The following DIAPH2 variants were observed in gnomAD, a reference collection of about 807,000 sequenced individuals.
DIAPH2 encodes the protein diaphanous related formin 2.
DIAPH2 carries 35 observed loss-of-function variants against 92.7 expected under a neutral mutation model. The ratio of observed to expected loss-of-function variants is 0.38; its 90% CI spans 0.29 to 0.50. The LOEUF (loss-of-function observed/expected upper bound fraction) is 0.50, where lower values mean the gene tolerates loss of function less well. Among genes scored for constraint, DIAPH2 ranks in the 20% least tolerant of loss-of-function variants. The probability of loss-of-function intolerance (pLI) is 0.94; values close to 1 mark genes in which losing one functional copy is unlikely to be tolerated. For missense variants in DIAPH2, 701 were observed against 819.5 expected, an observed-to-expected ratio of 0.86 and a Z score of 1.77; for synonymous variants, 301 against 280.4, an observed-to-expected ratio of 1.07 and a Z score of -0.73.
chrX:97,546,792 C>T (rs999532963), intron 26 of DIAPH2, among the ~76,000 whole-genome samples: 1 of 110,149 alleles, frequency 9.1e-6, no homozygotes, highest in Non-Finnish European at 1.9e-5. Flanking sequence ...GCCAAGATCG[C>T]GCCATTGCCC....
chrX:97,488,863 T>C (rs1390201020), intron 26 of DIAPH2, among the ~76,000 whole-genome samples: 1 of 112,017 alleles, frequency 8.9e-6, no homozygotes. Flanking sequence ...TTGTAATATA[T>C]TTTAAAATAA....
chrX:96,947,405 G>A (rs2065744898), intron 14 of DIAPH2, among the ~76,000 whole-genome samples: 1 of 110,995 alleles, frequency 9.0e-6, no homozygotes, highest in Non-Finnish European at 1.9e-5. Context: ...TCACATTGGA[G>A]GATATCCATC....
intron 4 of DIAPH2, among the ~76,000 whole-genome samples, chrX:96,827,921 A>G (rs1239829138): frequency 1.8e-5 from 2 of 110,799 alleles, no homozygotes; most frequent in Non-Finnish European, 3.8e-5. Context: ...GGTGCCCACT[A>G]CCTCGCCCGG....
intron 25 of DIAPH2, among the ~76,000 whole-genome samples, chrX:97,426,119 G>A (rs2070061224): frequency 9.1e-6 from 1 of 109,677 alleles, no homozygotes; most frequent in Admixed American, 9.8e-5. Flanking sequence ...TTTATCCCTG[G>A]TCATCTAAAC....
At chrX:97,074,021 G>T (rs2066687297) in intron 18 of DIAPH2, among the ~76,000 whole-genome samples, 1 of 112,008 alleles carries the variant, frequency 8.9e-6, no homozygotes, top group East Asian at 2.8e-4. Flanking sequence ...GTAATCATTT[G>T]TCTATAGAGT....
At chrX:97,435,908 T>C (rs1009551554) in intron 26 of DIAPH2, among the ~76,000 whole-genome samples, 10 of 107,793 alleles carry the variant, frequency 9.3e-5, no homozygotes, top group East Asian at 8.8e-4. Context: ...CTCGGGTTCA[T>C]GCCATTCTCT....
chrX:97,300,017 T>C (rs2147624380), intron 23 of DIAPH2, among the ~76,000 whole-genome samples: 1 of 112,200 alleles, frequency 8.9e-6, no homozygotes, highest in African/African-American at 3.2e-5. Flanking sequence ...TGCTTGGTAA[T>C]ATAACAAGAA....
intron 19 of DIAPH2, among the ~76,000 whole-genome samples, chrX:97,099,289 C>G (rs493607): frequency 0.03 from 3,318 of 109,873 alleles, 134 homozygotes; most frequent in African/African-American, 0.1. Flanking sequence ...TGGCATGAAC[C>G]TGGGAGGCGG....
At chrX:97,343,105 G>A (rs1302429284) in intron 23 of DIAPH2, among the ~76,000 whole-genome samples, 1 of 111,767 alleles carries the variant, frequency 8.9e-6, no homozygotes, top group East Asian at 2.8e-4. Flanking sequence ...TCCAAGTGTT[G>A]TAGAAAGTTA....
intron 22 of DIAPH2, among the ~76,000 whole-genome samples, chrX:97,228,436 G>A (rs1453989719): frequency 9.0e-6 from 1 of 111,347 alleles, no homozygotes. Flanking sequence ...AGAAAATGAA[G>A]TCTGTTGACG....
chrX:97,578,111 A>G (rs1303553238), intron 26 of DIAPH2, among the ~76,000 whole-genome samples: 4 of 94,957 alleles, frequency 4.2e-5, no homozygotes, highest in Non-Finnish European at 6.4e-5. Flanking sequence ...TTTTTTTTTT[A>G]GAACTAAGCA....
At chrX:97,515,788 A>G (rs1260153044) in intron 26 of DIAPH2, among the ~76,000 whole-genome samples, 1 of 110,432 alleles carries the variant, frequency 9.1e-6, no homozygotes, top group African/African-American at 3.3e-5. Context: ...GGGCAAGGGG[A>G]AGGTGAGAGT....
chrX:96,921,571 A>T (rs2065543586), intron 9 of DIAPH2, among the ~76,000 whole-genome samples: 1 of 111,537 alleles, frequency 9.0e-6, no homozygotes, highest in South Asian at 3.7e-4. Context: ...TGAGTGACTA[A>T]TTTCAAAATC....
chrX:96,936,566 T>C (rs1049063671), intron 10 of DIAPH2, among the ~76,000 whole-genome samples: 7 of 111,677 alleles, frequency 6.3e-5, no homozygotes, highest in African/African-American at 2.3e-4. Context: ...ACTATTATTA[T>C]GAAAATTATC....
chrX:97,304,340 A>C (rs1461258967), intron 23 of DIAPH2, among the ~76,000 whole-genome samples: 1 of 112,374 alleles, frequency 8.9e-6, no homozygotes, highest in Non-Finnish European at 1.9e-5. Flanking sequence ...GTTTAACAAC[A>C]GTAATAGTTG....
At chrX:97,045,844 T>C (rs2066478855) in intron 17 of DIAPH2, among the ~76,000 whole-genome samples, 1 of 96,820 alleles carries the variant, frequency 1.0e-5, no homozygotes, top group African/African-American at 3.9e-5. Context: ...TAGGGTATTT[T>C]AGGATTTTTT....
intron 4 of DIAPH2, among the ~76,000 whole-genome samples, chrX:96,829,150 A>G (rs1268761591): frequency 4.5e-5 from 5 of 111,733 alleles, no homozygotes; most frequent in Middle Eastern, 9.3e-3. Context: ...TCCCTATTGT[A>G]TTAGTCTGAT....
intron 1 of DIAPH2, among the ~76,000 whole-genome samples, chrX:96,711,752 C>CT (rs1448476185): frequency 9.1e-6 from 1 of 110,309 alleles, no homozygotes; most frequent in Non-Finnish European, 1.9e-5. Flanking sequence ...TTTTTTTTTA[C>CT]TTTTTTTCAT....
chrX:97,443,422 A>G lies in DIAPH2; in HGVS notation c.3241+13677A>G, dbSNP rs748497143. On this transcript the variant is annotated intron_variant, in intron 26 of 26. Transcript: ENST00000324765. ...TGTTAAAAGATTGTGATTTATTTTT[A>G]GCATCTAGCACATAACTCATAGCAT... is the stretch of plus-strand genomic sequence containing the variant. Among the ~76,000 whole-genome samples the G allele has an allele frequency of 2.7e-5, 3 of 112,339 alleles. No homozygotes were observed. In the Admixed American group the frequency reaches 2.8e-4, roughly 11 times the overall value.
Sources: allele counts gnomAD v4.1 joint callset (sites outside exome capture counted in the v4.1 genomes callset), GRCh38; gene constraint gnomAD v4.1.1; transcripts MANE v1.5; gene names NCBI Gene and HGNC (gene_info 2026-07-23, HGNC 2026-07-21).